Variants in MBOAT1 observed in about 807,000 individuals in gnomAD.
MBOAT1 encodes the protein membrane bound glycerophospholipid O-acyltransferase 1.
MBOAT1 carries 67 observed loss-of-function variants against 64.4 expected under a neutral mutation model. That is an observed-to-expected ratio of 1.04 (90% CI 0.85 to 1.27). The LOEUF (loss-of-function observed/expected upper bound fraction) is 1.27. Ranked by LOEUF, MBOAT1 falls within the 50% of genes most tolerant of loss-of-function variation. The pLI, the probability that MBOAT1 is intolerant of heterozygous loss-of-function variation, is 0.00. For missense variants in MBOAT1, 563 were observed against 604.6 expected (o/e 0.93, Z 0.72); for synonymous variants, 229 against 218.9 (o/e 1.05, Z -0.41).
At chr6:20,163,339 A>G (rs1005839251) in intron 1 of MBOAT1, among the ~76,000 whole-genome samples, 1 of 152,174 alleles carries the variant, frequency 6.6e-6, no homozygotes, top group Non-Finnish European at 1.5e-5. Flanking sequence ...TCCACTGTTA[A>G]CCAGTTAAAA....
intron 1 of MBOAT1, among the ~76,000 whole-genome samples, chr6:20,185,284 T>C (rs553562484): frequency 2.0e-5 from 3 of 152,276 alleles, no homozygotes; most frequent in Admixed American, 2.0e-4. Flanking sequence ...GCAAATGTGA[T>C]GGGTAATTTC....
chr6:20,102,486 C>G (rs1759830861), intron 12 of MBOAT1, 74 bp from the exon 13 acceptor site: 1 of 1,295,294 alleles, frequency 7.7e-7, no homozygotes, highest in African/African-American at 1.5e-5. Flanking sequence ...ATTATATCAC[C>G]TACAGTATGA....
At chr6:20,178,681 C>T (rs569026844) in intron 1 of MBOAT1, among the ~76,000 whole-genome samples, 12 of 152,260 alleles carry the variant, frequency 7.9e-5, no homozygotes, top group African/African-American at 2.4e-4. Flanking sequence ...CTAAATATGA[C>T]GGTCCTTCCA....
intron 1 of MBOAT1, among the ~76,000 whole-genome samples, chr6:20,184,164 C>G (rs1488242000): frequency 2.0e-5 from 3 of 152,118 alleles, no homozygotes; most frequent in Non-Finnish European, 4.4e-5. Flanking sequence ...AGTCTTTGGA[C>G]AGGAACTCAA....
chr6:20,195,635 G>GTGTGTGTGTGTGTT (rs1477549473), intron 1 of MBOAT1, among the ~76,000 whole-genome samples: 1 of 151,092 alleles, frequency 6.6e-6, no homozygotes, highest in Non-Finnish European at 1.5e-5. Flanking sequence ...GTGTGTGTGT[G>GTGTGTGTGTGTGTT]CATGTGCACT....
At chr6:20,202,823 C>T (rs1383789313) in intron 1 of MBOAT1, among the ~76,000 whole-genome samples, 1 of 152,188 alleles carries the variant, frequency 6.6e-6, no homozygotes, top group Non-Finnish European at 1.5e-5. Context: ...ATTAATGAGA[C>T]TGCAATAAGT....
intron 11 of MBOAT1, among the ~76,000 whole-genome samples, chr6:20,112,439 A>C (rs531108043): frequency 4.6e-5 from 7 of 152,324 alleles, no homozygotes; most frequent in African/African-American, 1.7e-4. Context: ...TATTTCATTG[A>C]CTGCTCAAGA....
intron 1 of MBOAT1, among the ~76,000 whole-genome samples, chr6:20,160,504 C>T (rs1761819278): frequency 6.6e-6 from 1 of 152,146 alleles, no homozygotes; most frequent in African/African-American, 2.4e-5. Flanking sequence ...AAGAGACAAC[C>T]CACAGATTGG....
intron 1 of MBOAT1, among the ~76,000 whole-genome samples, chr6:20,163,021 TATC>T (rs1430802650): frequency 6.6e-6 from 1 of 152,196 alleles, no homozygotes; most frequent in Admixed American, 6.5e-5. Flanking sequence ...ATTTTGCAAA[TATC>T]ATGTCACATG....
intron 1 of MBOAT1, among the ~76,000 whole-genome samples, chr6:20,191,260 C>T (rs1434893368): frequency 6.6e-6 from 1 of 152,162 alleles, no homozygotes; most frequent in Non-Finnish European, 1.5e-5. Flanking sequence ...CTGGGATGAC[C>T]CCTTGCCAAA....
chr6:20,118,781 A>C (rs532572868), intron 8 of MBOAT1, among the ~76,000 whole-genome samples: 2 of 152,360 alleles, frequency 1.3e-5, no homozygotes, highest in African/African-American at 4.8e-5. Flanking sequence ...TGCTAAGGTA[A>C]GAGGAAAGAA....
intron 1 of MBOAT1, among the ~76,000 whole-genome samples, chr6:20,194,698 C>T (rs1011130603): frequency 6.6e-6 from 1 of 152,204 alleles, no homozygotes; most frequent in African/African-American, 2.4e-5. Flanking sequence ...CCCCACTCCC[C>T]TTTCCATACT....
intron 1 of MBOAT1, among the ~76,000 whole-genome samples, chr6:20,176,023 C>T (rs981280865): frequency 6.6e-6 from 1 of 152,214 alleles, no homozygotes; most frequent in Non-Finnish European, 1.5e-5. Context: ...GTGGCTCACG[C>T]CTATAATCCC....
intron 1 of MBOAT1, among the ~76,000 whole-genome samples, chr6:20,175,405 C>A (rs897966020): frequency 4.0e-5 from 6 of 150,822 alleles, no homozygotes; most frequent in Admixed American, 1.3e-4. Flanking sequence ...ACTAGAGGCA[C>A]GAGCCACTGA....
At chr6:20,203,340 T>C (rs1763174857) in intron 1 of MBOAT1, among the ~76,000 whole-genome samples, 1 of 151,278 alleles carries the variant, frequency 6.6e-6, no homozygotes, top group South Asian at 2.1e-4. Context: ...CTGGAGGTGA[T>C]GAGTATATCA....
At position 20,180,661 on chromosome 6, in the gene MBOAT1, C is replaced by G. The variant is rs373513087; in HGVS notation, c.100-27892G>C. Among the ~76,000 whole-genome samples, 109 of 152,264 alleles carry G rather than the reference C, an allele frequency of 7.2e-4. 2 individuals are homozygous for G. The highest frequency in any genetic ancestry group is 5.4e-3 in the Admixed American group (83 of 15,294). Reference sequence around the variant, plus strand: ...ACAACAAAATCCCACTTTGAGCTGCCCTTAACCTCATGAGAATTGCTGGAC... The same window carrying G: ...ACAACAAAATCCCACTTTGAGCTGCGCTTAACCTCATGAGAATTGCTGGAC... On this transcript the variant is annotated intron_variant, in intron 1 of 12. Transcript: ENST00000324607.
chr6:20,188,332 A>G (rs1287821626), intron 1 of MBOAT1, among the ~76,000 whole-genome samples: 1 of 152,200 alleles, frequency 6.6e-6, no homozygotes, highest in Non-Finnish European at 1.5e-5. Flanking sequence ...CATACCATAC[A>G]TAGCATACTT....
rs544762211 is a variant in MBOAT1 at position 20,131,349 on chromosome 6, G to C, written c.420-150C>G. Reference sequence around the variant, plus strand: ...CAAATGGGAGGTAATTGAATCATGGGGGCAGTTACCTCCATGCTGTTCTCG... The same window carrying C: ...CAAATGGGAGGTAATTGAATCATGGCGGCAGTTACCTCCATGCTGTTCTCG... On this transcript the variant is annotated intron_variant, in intron 4 of 12. Transcript: ENST00000324607. 1.3e-4 allele frequency: 87 copies of C among 664,226 alleles called. No individual in the cohort carries two copies. The African/African-American group carries it at 1.5e-3, about 11-fold the overall frequency. The allele number at this position is 664,226 out of a possible 1,614,324, so 41.1% of individuals were successfully genotyped here. A position where few individuals can be genotyped will look rare whatever the true frequency, so the allele number is the denominator to read the frequency against.
At position 20,102,155 on chromosome 6, in the gene MBOAT1, C is replaced by T; in HGVS notation, c.*131G>A. 2 of 460,612 alleles carry T rather than the reference C, an allele frequency of 4.3e-6. No individual in the cohort carries two copies. The highest frequency in any genetic ancestry group is 4.5e-5 in the East Asian group (1 of 22,402). 28.5% of individuals were successfully genotyped at this position (460,612 alleles called of 1,614,324 possible). A position where few individuals can be genotyped will look rare whatever the true frequency, so the allele number is the denominator to read the frequency against. ...AAAAAAAAAAAAAAAATACTCCCTG[C>T]ACTTTAAAAAAGAACAAAATAAAGA... On this transcript the variant is annotated 3_prime_UTR_variant, in exon 13 of 13. Coordinates refer to ENST00000324607, the MANE Select transcript of MBOAT1 (RefSeq NM_001080480.3).
Sources: gnomAD v4.1 joint callset for allele counts (sites outside exome capture counted in the v4.1 genomes callset) on GRCh38, gnomAD v4.1.1 for gene constraint, MANE v1.5 for transcripts, NCBI Gene and HGNC (gene_info 2026-07-23, HGNC 2026-07-21) for gene names.